MMP15: variants seen among roughly 807,000 people sequenced by gnomAD.
The protein encoded by MMP15 is matrix metalloproteinase-15.
MMP15 carries 36 observed loss-of-function variants against 65.0 expected under a neutral mutation model. The ratio of observed to expected loss-of-function variants is 0.55; its 90% CI spans 0.42 to 0.73. MMP15 has a LOEUF of 0.73. Among genes scored for constraint, MMP15 ranks in the 30% least tolerant of loss-of-function variants. MMP15 has a pLI of 0.00. For missense variants in MMP15, 870 were observed against 987.8 expected, an observed-to-expected ratio of 0.88 and a Z score of 1.60; for synonymous variants, 428 against 410.2, an observed-to-expected ratio of 1.04 and a Z score of -0.52.
chr16:58,043,488 A>G, intron 8 of MMP15, 24 bp from the exon 9 acceptor site: 1 of 1,612,186 alleles, frequency 6.2e-7, no homozygotes. Context: ...CTCTAGGTCC[A>G]CAGCCTGGTG....
chr16:58,029,311 C>G (rs921066007), intron 1 of MMP15, among the ~76,000 whole-genome samples: 5 of 152,228 alleles, frequency 3.3e-5, no homozygotes, highest in African/African-American at 4.8e-5. Context: ...TCCGGGGGGG[C>G]CCCACTGGTC....
At chr16:58,030,683 G>A (rs1218763135) in intron 1 of MMP15, among the ~76,000 whole-genome samples, 1 of 152,196 alleles carries the variant, frequency 6.6e-6, no homozygotes, top group Non-Finnish European at 1.5e-5. Flanking sequence ...CCCTGTAGGG[G>A]TGAGAGTCCA....
At chr16:58,033,366 A>T (rs41331344) in intron 1 of MMP15, among the ~76,000 whole-genome samples, 111 of 152,310 alleles carry the variant, frequency 7.3e-4, no homozygotes, top group African/African-American at 2.5e-3. Flanking sequence ...TGAGGCACTC[A>T]CTATCTCTGA....
intron 8 of MMP15, 70 bp from the exon 9 acceptor site, chr16:58,043,442 C>T: frequency 6.3e-7 from 1 of 1,597,246 alleles, no homozygotes; most frequent in Non-Finnish European, 8.5e-7. Flanking sequence ...AAAGAATCCA[C>T]TGCCTGTGGG....
chr16:58,036,276 G>A (rs1010474257), intron 1 of MMP15, among the ~76,000 whole-genome samples: 2 of 152,232 alleles, frequency 1.3e-5, no homozygotes, highest in Admixed American at 6.5e-5. Flanking sequence ...ACATGAAGCA[G>A]GCAGGGCAGA....
intron 1 of MMP15, among the ~76,000 whole-genome samples, chr16:58,036,706 A>G (rs1030659990): frequency 1.3e-5 from 2 of 152,134 alleles, no homozygotes; most frequent in African/African-American, 2.4e-5. Flanking sequence ...TTGAGCCTGG[A>G]TGGGTACCTG....
At chr16:58,032,796 G>A (rs939618659) in intron 1 of MMP15, among the ~76,000 whole-genome samples, 3 of 152,242 alleles carry the variant, frequency 2.0e-5, no homozygotes, top group African/African-American at 4.8e-5. Context: ...CAAAAGGTCC[G>A]GGGGCTGGAT....
chr16:58,036,699 AGCCTGGATGG>A (rs1000771056), intron 1 of MMP15, among the ~76,000 whole-genome samples: 19 of 152,176 alleles, frequency 1.2e-4, no homozygotes, highest in Non-Finnish European at 1.5e-5. Context: ...CCTGCCCTTG[AGCCTGGATGG>A]GTACCTGCAT....
At chr16:58,041,918 C>A in intron 6 of MMP15, 48 bp downstream of exon 6, 1 of 1,527,896 alleles carries the variant, frequency 6.5e-7, no homozygotes, top group South Asian at 1.3e-5. Flanking sequence ...TCCCTGGCTG[C>A]TCTGGGCCCC....
intron 1 of MMP15, among the ~76,000 whole-genome samples, chr16:58,026,855 C>G (rs1328788122): frequency 1.3e-5 from 2 of 152,230 alleles, no homozygotes; most frequent in African/African-American, 2.4e-5. Flanking sequence ...TTCCTTCCCT[C>G]CAGGGCAGCC....
chr16:58,041,971 C>A lies in MMP15; in HGVS notation c.1164+101C>A. 2.2e-6 allele frequency: 3 copies of A among 1,389,882 alleles called. No homozygotes were observed. In the East Asian group the frequency reaches 7.3e-5, roughly 34 times the overall value. 86.1% of individuals were successfully genotyped at this position (1,389,882 alleles called of 1,614,324 possible). A position where few individuals can be genotyped will look rare whatever the true frequency, so the allele number is the denominator to read the frequency against. On this transcript the variant is annotated intron_variant, in intron 6 of 9. Transcript: ENST00000219271. Reference sequence around the variant, plus strand: ...AGCAGGCCCCGGGGAGCCATTAAGCCCTCAGCTCTAGATGGGGAGGAATCC... The same window carrying A: ...AGCAGGCCCCGGGGAGCCATTAAGCACTCAGCTCTAGATGGGGAGGAATCC...
At chr16:58,029,919 G>A (rs1322102565) in intron 1 of MMP15, among the ~76,000 whole-genome samples, 7 of 152,110 alleles carry the variant, frequency 4.6e-5, no homozygotes, top group Non-Finnish European at 8.8e-5. Flanking sequence ...CCTGCCGAGC[G>A]GTTTGTTCTG....
chr16:58,026,073 G>A lies in MMP15; in HGVS notation c.-278G>A. The A allele has an allele frequency of 5.9e-6, 2 of 337,692 alleles. No individual in the cohort carries two copies. 20.9% of individuals were successfully genotyped at this position (337,692 alleles called of 1,614,324 possible). ...AGTTGCGCTTGCTCTCGGGAGCCGG[G>A]CCCCAGGCGCTGGGCGCCGAGGCTG... is the stretch of plus-strand genomic sequence containing the variant. On this transcript the variant is annotated 5_prime_UTR_variant, in exon 1 of 10. Transcript: ENST00000219271.
Position 58,031,162 on chromosome 16 carries a change from T to A in MMP15, c.162+4650T>A, listed in dbSNP as rs1475787888. On this transcript the variant is annotated intron_variant, in intron 1 of 9. Transcript: ENST00000219271. ...GAGTTGAGAGAAATGACCCCCGCAT[T>A]CCATAGCCAGGGAGTGGCAGAGCTT... Among the ~76,000 whole-genome samples the A allele has an allele frequency of 2.0e-5, 3 of 152,120 alleles. No individual in the cohort carries two copies. In the East Asian group the frequency reaches 5.8e-4, roughly 29 times the overall value.
chr16:58,031,121 A>T (rs1255028342), intron 1 of MMP15, among the ~76,000 whole-genome samples: 1 of 152,172 alleles, frequency 6.6e-6, no homozygotes, highest in Non-Finnish European at 1.5e-5. Context: ...TCTACAAAAG[A>T]GGAAACTAAT....
At chr16:58,027,026 G>C (rs1017664222) in intron 1 of MMP15, among the ~76,000 whole-genome samples, 5 of 152,242 alleles carry the variant, frequency 3.3e-5, no homozygotes, top group South Asian at 4.1e-4. Context: ...CGCGCACGGC[G>C]GGCCAGGATG....
At chr16:58,044,225 C>T (rs1371378473) in intron 9 of MMP15, among the ~76,000 whole-genome samples, 3 of 152,172 alleles carry the variant, frequency 2.0e-5, no homozygotes, top group African/African-American at 7.2e-5. Flanking sequence ...GCGAGAGGAT[C>T]GCTTGAGTCC....
chr16:58,040,240 ACACC>A, intron 4 of MMP15, 58 bp downstream of exon 4: 1 of 1,539,910 alleles, frequency 6.5e-7, no homozygotes, highest in Non-Finnish European at 8.8e-7. Context: ...CTGGGCAACA[ACACC>A]CTGCTGAGTG....
At chr16:58,035,446 G>T (rs997185332) in intron 1 of MMP15, among the ~76,000 whole-genome samples, 1 of 152,216 alleles carries the variant, frequency 6.6e-6, no homozygotes, top group African/African-American at 2.4e-5. Context: ...GATGGGTCAA[G>T]GAGGCCGAAG....
Sources: gnomAD v4.1 joint callset for allele counts (sites outside exome capture counted in the v4.1 genomes callset) on GRCh38, gnomAD v4.1.1 for gene constraint, MANE v1.5 for transcripts, NCBI Gene and HGNC (gene_info 2026-07-23, HGNC 2026-07-21) for gene names.